DDX55: variants seen among roughly 807,000 people sequenced by gnomAD.
DDX55 encodes the protein DEAD-box helicase 55, also known as ATP-dependent RNA helicase DDX55.
In DDX55, 56 loss-of-function variants were observed where a neutral mutation model predicts 69.2. The observed-to-expected ratio is 0.81, with a 90% CI of 0.65 to 1.01. The LOEUF (loss-of-function observed/expected upper bound fraction) is 1.01, where lower values mean the gene tolerates loss of function less well. DDX55 is among the 50% of genes least tolerant of loss of function. DDX55 has a pLI of 0.00. For synonymous variants in DDX55, 268 were observed against 273.1 expected (o/e 0.98, Z 0.18); for missense variants, 720 against 745.1 (o/e 0.97, Z 0.39).
chr12:123,602,102 C>A lies in DDX55; in HGVS notation c.-47C>A. ...AGCGGAAGTGCTCGTTGGGGGTGCA[C>A]AAGGCGCGTTCGAGCAGCGGCGACC... On this transcript the variant is annotated 5_prime_UTR_variant, in exon 1 of 14. Coordinates refer to ENST00000238146, the MANE Select transcript of DDX55 (RefSeq NM_020936.3). The A allele has an allele frequency of 6.7e-7, 1 of 1,496,708 alleles. No individual in the cohort carries two copies. Among genetic ancestry groups the A allele is most frequent in the Non-Finnish European group, 9.0e-7 (1 of 1,108,970 alleles). The allele number at this position is 1,496,708 out of a possible 1,614,324, so 92.7% of individuals were successfully genotyped here. A position where few individuals can be genotyped will look rare whatever the true frequency, so the allele number is the denominator to read the frequency against.
chr12:123,606,678 C>T (rs546890365), intron 3 of DDX55, among the ~76,000 whole-genome samples: 1 of 151,728 alleles, frequency 6.6e-6, no homozygotes, highest in East Asian at 1.9e-4. Context: ...GCAACCTCCA[C>T]CTCCCAGGCT....
chr12:123,619,711 G>A lies in DDX55; in HGVS notation c.1613G>A (p.Arg538Lys). The change falls in exon 13 of 14, where the codon AGG (arginine) becomes AAG (lysine). Residue 538 changes from arginine (R) to lysine (K), a missense_variant. Arg to Lys is a conservative substitution (Grantham distance 26). Coordinates refer to ENST00000238146, the MANE Select transcript of DDX55 (RefSeq NM_020936.3). ...AAGAAGAAAAAAATGAATGAGAAAA[G>A]GAAAAGGGAAGAGGTAAAGTTTACT... Reference protein sequence around the residue: ...KEKKKKMNEKRKREEGSDIED... With the variant: ...KEKKKKMNEKKKREEGSDIED... 1.3e-6 allele frequency: 2 copies of A among 1,572,210 alleles called. No homozygotes were observed. Among genetic ancestry groups the A allele is most frequent in the African/African-American group, 1.4e-5 (1 of 72,568 alleles).
At chr12:123,613,311 A>G in intron 8 of DDX55, 59 bp downstream of exon 8, 1 of 1,556,396 alleles carries the variant, frequency 6.4e-7, no homozygotes, top group Non-Finnish European at 8.8e-7. Flanking sequence ...GTGCAGGTGC[A>G]TGCGGCCTTT....
intron 1 of DDX55, among the ~76,000 whole-genome samples, chr12:123,603,551 C>T (rs1024636761): frequency 1.3e-5 from 2 of 151,754 alleles, no homozygotes; most frequent in Admixed American, 6.6e-5. Context: ...CCACCATGCC[C>T]GGCTAATTTT....
At chr12:123,612,330 C>T (rs1405016651) in intron 7 of DDX55, among the ~76,000 whole-genome samples, 3 of 152,096 alleles carry the variant, frequency 2.0e-5, no homozygotes, top group Non-Finnish European at 1.5e-5. Context: ...ATTTTGCATT[C>T]GTTTTGCATT....
chr12:123,619,460 T>C lies in DDX55; in HGVS notation c.1362T>C (p.Gly454=). 2 of 1,613,100 alleles carry C rather than the reference T, an allele frequency of 1.2e-6. No individual in the cohort carries two copies. Among genetic ancestry groups the C allele is most frequent in the Non-Finnish European group, 1.7e-6 (2 of 1,179,662 alleles). ...KDLDFASLAR[G]FALLRMPKMP... is the part of the protein sequence containing the mutation. ...TTGATTTTGCCAGCCTTGCTCGAGGTTTTGCCCTGCTGAGGATGCCCAAGA... is the reference window on the plus strand; with the variant it reads ...TTGATTTTGCCAGCCTTGCTCGAGGCTTTGCCCTGCTGAGGATGCCCAAGA... Residue 454 remains glycine (G), a synonymous_variant, in exon 13 of 14, where the codon GGT becomes GGC. Coordinates refer to ENST00000238146, the MANE Select transcript of DDX55 (RefSeq NM_020936.3).
In DDX55 at chr12:123,619,400, G is replaced by A. The variant is rs773479401; in HGVS notation, c.1334-32G>A. The A allele has an allele frequency of 7.3e-5, 116 of 1,586,776 alleles. No individual in the cohort carries two copies. The Middle Eastern group carries it at 1.4e-3, about 19-fold the overall frequency. On this transcript the variant is annotated intron_variant, in intron 12 of 13. Coordinates refer to ENST00000238146, the MANE Select transcript of DDX55 (RefSeq NM_020936.3). ...TTACTGATTGTTCTAATCCTGTTGAGTGCGCTAACTCTGATCTTCTGATTG... is the reference window on the plus strand; with the variant it reads ...TTACTGATTGTTCTAATCCTGTTGAATGCGCTAACTCTGATCTTCTGATTG...
chr12:123,609,789 C>A, intron 6 of DDX55, 150 bp from the exon 7 acceptor site: 1 of 825,074 alleles, frequency 1.2e-6, no homozygotes, highest in Non-Finnish European at 1.8e-6. Context: ...AACAAAGAAT[C>A]ACCTATAATC....
chr12:123,618,172 C>A (rs1954836568), intron 11 of DDX55: 1 of 390,268 alleles, frequency 2.6e-6, no homozygotes, highest in Non-Finnish European at 4.9e-6. Context: ...ATGCGCCACC[C>A]CAGCTAATTT....
chr12:123,619,329 GA>G (rs539818524), intron 12 of DDX55, 102 bp from the exon 13 acceptor site: 60 of 1,477,780 alleles, frequency 4.1e-5, no homozygotes, highest in Non-Finnish European at 5.3e-5. Flanking sequence ...TAACTAAAAT[GA>G]ATGCATTAAA....
intron 1 of DDX55, among the ~76,000 whole-genome samples, chr12:123,603,320 A>G (rs1209971353): frequency 6.6e-6 from 1 of 151,514 alleles, no homozygotes; most frequent in Non-Finnish European, 1.5e-5. Context: ...CATTTGGGAT[A>G]GCTTTAAGGT....
Position 123,615,462 on chromosome 12 carries a change from C to G in DDX55, c.956+146C>G, listed in dbSNP as rs1232065889. 12 of 1,233,374 alleles carry G rather than the reference C, an allele frequency of 9.7e-6. No individual in the cohort carries two copies. In the East Asian group the frequency reaches 3.0e-4, roughly 31 times the overall value. 76.4% of individuals were successfully genotyped at this position (1,233,374 alleles called of 1,614,324 possible). Reference sequence around the variant, plus strand: ...TCTTCCCTCTCTAATCTGGTTATCACATCTCTGTAAACACCCCGAGCCTCC... The same window carrying G: ...TCTTCCCTCTCTAATCTGGTTATCAGATCTCTGTAAACACCCCGAGCCTCC... On this transcript the variant is annotated intron_variant, in intron 9 of 13. Coordinates refer to ENST00000238146, the MANE Select transcript of DDX55 (RefSeq NM_020936.3).
intron 7 of DDX55, among the ~76,000 whole-genome samples, chr12:123,610,601 GTTTC>G (rs1326309184): frequency 7.7e-6 from 1 of 130,178 alleles, no homozygotes; most frequent in East Asian, 2.2e-4. Flanking sequence ...AATATGCTGA[GTTTC>G]TTTTTTTTTT....
At chr12:123,616,653 A>G in intron 10 of DDX55, 50 bp downstream of exon 10, 1 of 1,545,122 alleles carries the variant, frequency 6.5e-7, no homozygotes. Context: ...TTAGCCTAAT[A>G]AAGGAGGAAT....
chr12:123,619,072 G>A (rs563421211), intron 12 of DDX55, among the ~76,000 whole-genome samples: 59 of 152,214 alleles, frequency 3.9e-4, no homozygotes, highest in Non-Finnish European at 6.9e-4. Flanking sequence ...GCGCGATCTC[G>A]GCTCACTGTA....
rs1310242786 is a variant in DDX55 at position 123,620,427 on chromosome 12, T to G, written c.*287T>G. 2.6e-5 allele frequency: 6 copies of G among 230,236 alleles called. No homozygotes were observed. Among genetic ancestry groups the G allele is most frequent in the Non-Finnish European group, 1.7e-5 (2 of 117,730 alleles). The allele number at this position is 230,236 out of a possible 1,614,324, so 14.3% of individuals were successfully genotyped here. On this transcript the variant is annotated 3_prime_UTR_variant, in exon 14 of 14. Transcript: ENST00000238146. Reference sequence around the variant, plus strand: ...TGAGCCCAGGAGTTCAAGACCAGCCTGGGAACACAGCGAGACCCTCTCATT... The same window carrying G: ...TGAGCCCAGGAGTTCAAGACCAGCCGGGGAACACAGCGAGACCCTCTCATT...
intron 1 of DDX55, 27 bp from the exon 2 acceptor site, chr12:123,605,904 C>T (rs1465186203): frequency 7.4e-6 from 12 of 1,614,130 alleles, no homozygotes; most frequent in Non-Finnish European, 1.0e-5. Flanking sequence ...CATCCTTTAA[C>T]CAGTGCTTTG....
intron 3 of DDX55, 139 bp from the exon 4 acceptor site, chr12:123,607,293 C>T: frequency 3.6e-6 from 3 of 837,032 alleles, no homozygotes; most frequent in Non-Finnish European, 1.9e-6. Context: ...GATATGTGCT[C>T]AGAGATGCTG....
chr12:123,619,077 A>G (rs190210805), intron 12 of DDX55, among the ~76,000 whole-genome samples: 1 of 152,360 alleles, frequency 6.6e-6, no homozygotes, highest in African/African-American at 2.4e-5. Context: ...ATCTCGGCTC[A>G]CTGTAAGCTC....
Sources: allele counts gnomAD v4.1 joint callset (sites outside exome capture counted in the v4.1 genomes callset), GRCh38; gene constraint gnomAD v4.1.1; transcripts MANE v1.5; gene names NCBI Gene and HGNC (gene_info 2026-07-23, HGNC 2026-07-21).